Variants in ACYP2 observed in about 807,000 individuals in gnomAD.
ACYP2 encodes the protein acylphosphatase-2.
A neutral mutation model predicts 11.2 loss-of-function variants in ACYP2; 12 were observed. That is an observed-to-expected ratio of 1.08 (90% confidence interval 0.69 to 1.74). The LOEUF (loss-of-function observed/expected upper bound fraction) is 1.74, where lower values mean the gene tolerates loss of function less well. Among genes scored for constraint, ACYP2 ranks in the 40% most tolerant of loss-of-function variants. ACYP2 has a pLI of 0.00. For synonymous variants in ACYP2, 43 were observed against 32.2 expected (o/e 1.33, Z -1.13); for missense variants, 134 against 101.9 (o/e 1.31, Z -1.35).
At chr2:54,048,644 G>A (rs1675658466) in intron 2 of ACYP2, among the ~76,000 whole-genome samples, 1 of 152,162 alleles carries the variant, frequency 6.6e-6, no homozygotes, top group Non-Finnish European at 1.5e-5. Context: ...GTGATTACAG[G>A]CACATGCCAC....
intron 6 of ACYP2, among the ~76,000 whole-genome samples, chr2:54,288,291 A>G (rs1317338667): frequency 1.3e-5 from 2 of 152,020 alleles, no homozygotes; most frequent in Non-Finnish European, 2.9e-5. Context: ...CATATCCTCC[A>G]TATAGGAACA....
In ACYP2 at chr2:54,035,334, C is replaced by CG. The variant is rs200960236; in HGVS notation, c.63-15622dup. On this transcript the variant is annotated intron_variant, in intron 2 of 6. Coordinates refer to ENST00000607452, the MANE Select transcript of ACYP2 (RefSeq NM_001320586.2). ...AGGCTGGAGGGCAGTGGTGCGATCT[C>CG]GGCGCACTGCAAGCTCCGCCTCCCG... 2.3e-3 allele frequency among the ~76,000 whole-genome samples: 336 copies of CG among 146,904 alleles called. 3 individuals carry two copies. The highest frequency in any genetic ancestry group is 8.0e-3 in the African/African-American group (318 of 39,728).
At chr2:54,029,397 T>A (rs74777320) in intron 2 of ACYP2, among the ~76,000 whole-genome samples, 1 of 151,380 alleles carries the variant, frequency 6.6e-6, no homozygotes, top group African/African-American at 2.4e-5. Context: ...ACTTTTTTTT[T>A]CCGTCCAGAG....
At chr2:53,984,070 A>T (rs1671892950) in intron 2 of ACYP2, among the ~76,000 whole-genome samples, 1 of 152,132 alleles carries the variant, frequency 6.6e-6, no homozygotes, top group Non-Finnish European at 1.5e-5. Context: ...GGGCATTTTC[A>T]TCATCATCAC....
chr2:53,981,819 ACT>A (rs897290038), intron 2 of ACYP2, among the ~76,000 whole-genome samples: 8 of 152,114 alleles, frequency 5.3e-5, no homozygotes, highest in African/African-American at 1.9e-4. Flanking sequence ...GTGTAAGTAC[ACT>A]CTGATGTTTG....
At chr2:54,210,135 G>C (rs961890140) in intron 6 of ACYP2, among the ~76,000 whole-genome samples, 9 of 107,590 alleles carry the variant, frequency 8.4e-5, no homozygotes, top group African/African-American at 3.8e-4. Flanking sequence ...GAATGAGACT[G>C]TGTCTCAAAA....
chr2:54,009,944 A>T (rs1673271855), intron 2 of ACYP2, among the ~76,000 whole-genome samples: 2 of 152,200 alleles, frequency 1.3e-5, no homozygotes, highest in South Asian at 4.1e-4. Context: ...GGGCAGTGTG[A>T]GTTTAAACCC....
At chr2:53,974,011 A>G (rs979610195) in intron 2 of ACYP2, among the ~76,000 whole-genome samples, 1 of 147,462 alleles carries the variant, frequency 6.8e-6, no homozygotes, top group African/African-American at 2.5e-5. Flanking sequence ...GGTTCAAGTG[A>G]TTCTTCTGCC....
At position 54,271,352 on chromosome 2, in the gene ACYP2, C is replaced by T. The variant is rs551699739; in HGVS notation, c.405-33336C>T. 4.6e-5 allele frequency among the ~76,000 whole-genome samples: 7 copies of T among 152,312 alleles called. No individual in the cohort carries two copies. In the East Asian group the frequency reaches 1.2e-3, roughly 25 times the overall value. ...ACAAGATTTAAGACTTCCCCAATTG[C>T]GCCCATAGATAACATCACTATTGTA... is the stretch of plus-strand genomic sequence containing the variant. On this transcript the variant is annotated intron_variant, in intron 6 of 6. Transcript: ENST00000607452.
At chr2:54,001,952 A>G (rs1285808497) in intron 2 of ACYP2, among the ~76,000 whole-genome samples, 1 of 152,160 alleles carries the variant, frequency 6.6e-6, no homozygotes, top group Non-Finnish European at 1.5e-5. Flanking sequence ...TCCACTATCA[A>G]CATACCCCAC....
chr2:54,205,711 T>A (rs1407994522), intron 6 of ACYP2, among the ~76,000 whole-genome samples: 1 of 152,220 alleles, frequency 6.6e-6, no homozygotes, highest in Non-Finnish European at 1.5e-5. Flanking sequence ...CATTCCTTTA[T>A]AAATCCCTTT....
intron 6 of ACYP2, chr2:54,141,927 T>G (rs962455026): frequency 1.6e-6 from 1 of 609,034 alleles, no homozygotes; most frequent in African/African-American, 1.8e-5. Context: ...AGCCTTGACC[T>G]TCTGGGCTCA....
chr2:54,036,081 A>G (rs180870420), intron 2 of ACYP2, among the ~76,000 whole-genome samples: 1 of 152,206 alleles, frequency 6.6e-6, no homozygotes, highest in African/African-American at 2.4e-5. Context: ...CCTTTAGCAT[A>G]CATATTTCTT....
chr2:54,150,330 G>T (rs375632976), intron 6 of ACYP2, among the ~76,000 whole-genome samples: 1 of 152,208 alleles, frequency 6.6e-6, no homozygotes, highest in South Asian at 2.1e-4. Context: ...CAGACAAGCC[G>T]AGGGTGTTGT....
chr2:54,034,499 A>G, intron 2 of ACYP2, among the ~76,000 whole-genome samples: 1 of 152,208 alleles, frequency 6.6e-6, no homozygotes, highest in South Asian at 2.1e-4. Flanking sequence ...CAGGTTTGTA[A>G]CCTAGGAGTG....
intron 6 of ACYP2, among the ~76,000 whole-genome samples, chr2:54,228,525 A>C (rs930458032): frequency 6.6e-6 from 1 of 152,070 alleles, no homozygotes; most frequent in African/African-American, 2.4e-5. Flanking sequence ...CAGAAACCAT[A>C]CTCTTAACCA....
chr2:54,024,252 C>T (rs1573544299), intron 2 of ACYP2, among the ~76,000 whole-genome samples: 1 of 151,862 alleles, frequency 6.6e-6, no homozygotes, highest in African/African-American at 2.4e-5. Flanking sequence ...TGTAGTCCCA[C>T]CTACTCAGGA....
At chr2:54,083,648 A>G (rs1332474680) in intron 4 of ACYP2, among the ~76,000 whole-genome samples, 1 of 152,170 alleles carries the variant, frequency 6.6e-6, no homozygotes. Context: ...ATGTTAGGAG[A>G]GTCTGGCCTG....
chr2:53,973,555 C>G (rs371835379), intron 1 of ACYP2, among the ~76,000 whole-genome samples: 235 of 152,204 alleles, frequency 1.5e-3, no homozygotes, highest in African/African-American at 5.4e-3. Context: ...ATCTCCCCAA[C>G]CCTTAAGAAG....
Sources: allele counts gnomAD v4.1 joint callset (sites outside exome capture counted in the v4.1 genomes callset), GRCh38; gene constraint gnomAD v4.1.1; transcripts MANE v1.5; gene names NCBI Gene and HGNC (gene_info 2026-07-23, HGNC 2026-07-21).